The following EIF2S2 variants were observed in gnomAD, a reference collection of about 807,000 sequenced individuals.
EIF2S2 encodes the protein eukaryotic translation initiation factor 2 subunit beta.
In EIF2S2, 4 loss-of-function variants were observed where a neutral mutation model predicts 44.0. The observed-to-expected ratio is 0.09, with a 90% confidence interval of 0.04 to 0.21. EIF2S2 has a LOEUF of 0.21. Among genes scored for constraint, EIF2S2 ranks in the 10% least tolerant of loss-of-function variants. The probability of loss-of-function intolerance (pLI) is 1.00; values close to 1 mark genes in which losing one functional copy is unlikely to be tolerated. For missense variants in EIF2S2, 154 were observed against 392.0 expected (o/e 0.39, Z 5.13); for synonymous variants, 108 against 128.3 (o/e 0.84, Z 1.07).
intron 3 of EIF2S2, among the ~76,000 whole-genome samples, chr20:34,100,203 C>T (rs908759948): frequency 5.3e-5 from 8 of 152,074 alleles, no homozygotes; most frequent in African/African-American, 1.4e-4. Context: ...TTGGTAGAAA[C>T]GGGGTTTTAC....
intron 1 of EIF2S2, 36 bp from the exon 2 acceptor site, chr20:34,105,581 G>A: frequency 6.7e-7 from 1 of 1,501,130 alleles, no homozygotes; most frequent in Non-Finnish European, 8.9e-7. Flanking sequence ...GGGACCAAAT[G>A]ATTGTTTTTA....
In EIF2S2 at chr20:34,089,909, CAAAT is replaced by C; in HGVS notation, c.827-8_827-5del. 6.2e-7 allele frequency: 1 copy of C among 1,613,384 alleles called. No homozygotes were observed. Among genetic ancestry groups the C allele is most frequent in the Non-Finnish European group, 8.5e-7 (1 of 1,179,736 alleles). On this transcript the variant is annotated splice_region_variant and splice_polypyrimidine_tract_variant and intron_variant, in intron 8 of 8. Transcript: ENST00000374980. ...GTGTGACAAGTGACATATTCCTCTG[CAAAT>C]AAAGCAACACACAGAATTACCTGGT... is the stretch of plus-strand genomic sequence containing the variant.
intron 3 of EIF2S2, 140 bp from the exon 4 acceptor site, chr20:34,098,773 C>G (rs2122413380): frequency 2.0e-6 from 2 of 988,276 alleles, no homozygotes; most frequent in East Asian, 5.4e-5. Context: ...AGAGATCCTC[C>G]CGCCCTGGCC....
intron 6 of EIF2S2, among the ~76,000 whole-genome samples, chr20:34,096,104 C>A (rs1335271397): frequency 6.6e-6 from 1 of 152,110 alleles, no homozygotes; most frequent in African/African-American, 2.4e-5. Context: ...TATCCTAGAG[C>A]AACTGATGAG....
intron 7 of EIF2S2, among the ~76,000 whole-genome samples, chr20:34,092,979 A>G (rs1170532796): frequency 6.6e-6 from 1 of 152,218 alleles, no homozygotes; most frequent in Non-Finnish European, 1.5e-5. Context: ...AGATAGGAAT[A>G]TTACTTTCTA....
chr20:34,103,361 A>G, intron 3 of EIF2S2, 101 bp downstream of exon 3: 1 of 1,426,886 alleles, frequency 7.0e-7, no homozygotes, highest in Non-Finnish European at 9.3e-7. Context: ...GCTAATAACA[A>G]AAGCAAAGCT....
At chr20:34,097,288 G>T in intron 5 of EIF2S2, 128 bp downstream of exon 5, 1 of 781,272 alleles carries the variant, frequency 1.3e-6, no homozygotes. Flanking sequence ...TGCACTGGCT[G>T]TGTGACCTCT....
In EIF2S2 at chr20:34,098,728, T is replaced by C. The variant is rs2034261795; in HGVS notation, c.298-95A>G. The C allele has an allele frequency of 2.8e-6, 4 of 1,423,756 alleles. No homozygotes were observed. The Admixed American group carries it at 6.7e-5, about 24-fold the overall frequency. The allele number at this position is 1,423,756 out of a possible 1,614,324, so 88.2% of individuals were successfully genotyped here. A position where few individuals can be genotyped will look rare whatever the true frequency, so the allele number is the denominator to read the frequency against. On this transcript the variant is annotated intron_variant, in intron 3 of 8. Coordinates refer to ENST00000374980, the MANE Select transcript of EIF2S2 (RefSeq NM_003908.5). ...TCTGTTGAGATGAGGAGGTCTTGCTTTGTTGCTCAGGCTAGTCTCAAACTC... is the reference window on the plus strand; with the variant it reads ...TCTGTTGAGATGAGGAGGTCTTGCTCTGTTGCTCAGGCTAGTCTCAAACTC...
chr20:34,093,677 T>G lies in EIF2S2; in HGVS notation c.738A>C (p.Thr246=). ...LLAFLLAELG[T]SGSIDGNNQL... ...TGTAAATGTATACAGTTTCTTACCTTGTACCCAATTCAGCCAACAAAAATG... is the reference window on the plus strand; with the variant it reads ...TGTAAATGTATACAGTTTCTTACCTGGTACCCAATTCAGCCAACAAAAATG... Residue 246 remains threonine, a splice_region_variant and synonymous_variant, in exon 7 of 9, where the codon ACA becomes ACC. Coordinates refer to ENST00000374980, the MANE Select transcript of EIF2S2 (RefSeq NM_003908.5). The G allele has an allele frequency of 4.4e-6, 7 of 1,607,940 alleles. No individual in the cohort carries two copies. Among genetic ancestry groups the G allele is most frequent in the Non-Finnish European group, 6.0e-6 (7 of 1,176,350 alleles).
chr20:34,109,578 TG>T (rs1284109854), intron 1 of EIF2S2, among the ~76,000 whole-genome samples: 7 of 151,896 alleles, frequency 4.6e-5, no homozygotes, highest in Non-Finnish European at 1.0e-4. Flanking sequence ...GAGGATCCCC[TG>T]AGCCCAGGTG....
At chr20:34,107,534 G>A (rs760771058) in intron 1 of EIF2S2, among the ~76,000 whole-genome samples, 8 of 152,282 alleles carry the variant, frequency 5.3e-5, no homozygotes, top group African/African-American at 1.2e-4. Flanking sequence ...TGCCTGGTAC[G>A]TAAGTACTCG....
chr20:34,094,367 A>G (rs1434499825), intron 6 of EIF2S2, among the ~76,000 whole-genome samples: 1 of 152,214 alleles, frequency 6.6e-6, no homozygotes, highest in Non-Finnish European at 1.5e-5. Context: ...AATTATAACT[A>G]TAAAACCACC....
rs549260627 is a variant in EIF2S2 at position 34,096,158 on chromosome 20, G to A, written c.683+499C>T. 2.0e-5 allele frequency among the ~76,000 whole-genome samples: 3 copies of A among 152,116 alleles called. No homozygotes were observed. In the East Asian group the frequency reaches 5.8e-4, roughly 30 times the overall value. On this transcript the variant is annotated intron_variant, in intron 6 of 8. Transcript: ENST00000374980. ...TCCCAAGGCTCCTGAGAACTACATT[G>A]AGCCTCCTCACTCTTCACTACATCT...
At chr20:34,106,623 G>A (rs2034352887) in intron 1 of EIF2S2, among the ~76,000 whole-genome samples, 1 of 151,542 alleles carries the variant, frequency 6.6e-6, no homozygotes. Flanking sequence ...GTATTGATGG[G>A]GTTTCACCAT....
intron 7 of EIF2S2, among the ~76,000 whole-genome samples, chr20:34,092,835 G>A (rs528853304): frequency 6.6e-6 from 1 of 152,274 alleles, no homozygotes; most frequent in Admixed American, 6.5e-5. Context: ...TGCCAGTGAC[G>A]CACAGGTGTC....
Position 34,112,131 on chromosome 20 carries a change from C to G in EIF2S2, c.-21G>C, listed in dbSNP as rs1389872089. On this transcript the variant is annotated 5_prime_UTR_variant, in exon 1 of 9. Transcript: ENST00000374980. ...GACATGGCTGCGGCTCGAGTGGGCT[C>G]GGCACGGACGGGAAGTCAGACGGGT... 6.5e-7 allele frequency: 1 copy of G among 1,543,484 alleles called. No individual in the cohort carries two copies. The highest frequency in any genetic ancestry group is 8.8e-7 in the Non-Finnish European group (1 of 1,142,278).
rs982350376 is a variant in EIF2S2, at chr20:34,089,658, A to G, written c.*72T>C. ...TTTATCTTGTTTTTAATACAACGGT[A>G]TATCCACTCTGATGGCAAACCTGTC... On this transcript the variant is annotated 3_prime_UTR_variant, in exon 9 of 9. Coordinates refer to ENST00000374980, the MANE Select transcript of EIF2S2 (RefSeq NM_003908.5). 9 of 1,519,448 alleles carry G rather than the reference A, an allele frequency of 5.9e-6. No individual in the cohort carries two copies. The highest frequency in any genetic ancestry group is 1.4e-5 in the African/African-American group (1 of 71,976). The allele number at this position is 1,519,448 out of a possible 1,614,324, so 94.1% of individuals were successfully genotyped here. A position where few individuals can be genotyped will look rare whatever the true frequency, so the allele number is the denominator to read the frequency against.
At chr20:34,094,453 A>C (rs1170652074) in intron 6 of EIF2S2, among the ~76,000 whole-genome samples, 3 of 152,212 alleles carry the variant, frequency 2.0e-5, no homozygotes, top group Non-Finnish European at 4.4e-5. Context: ...ATCTGAAGCA[A>C]ATGTGTCAAA....
intron 7 of EIF2S2, 22 bp downstream of exon 7, chr20:34,093,653 G>A (rs1293180070): frequency 3.8e-6 from 6 of 1,584,442 alleles, no homozygotes; most frequent in African/African-American, 2.7e-5. Flanking sequence ...AGTACTGTAT[G>A]TAAATGTATA....
Sources: allele counts gnomAD v4.1 joint callset (sites outside exome capture counted in the v4.1 genomes callset), GRCh38; gene constraint gnomAD v4.1.1; transcripts MANE v1.5; gene names NCBI Gene and HGNC (gene_info 2026-07-23, HGNC 2026-07-21).